The following GLIS3 variants were observed in gnomAD, a reference collection of about 807,000 sequenced individuals.
GLIS3 encodes the protein zinc finger protein GLIS3.
A neutral mutation model predicts 78.6 loss-of-function variants in GLIS3; 53 were observed. That is an observed-to-expected ratio of 0.67 (90% CI 0.54 to 0.85). The LOEUF is 0.85. Among genes scored for constraint, GLIS3 ranks in the 40% least tolerant of loss-of-function variants. The pLI, the probability that GLIS3 is intolerant of heterozygous loss-of-function variation, is 0.00. For synonymous variants in GLIS3, 684 were observed against 509.9 expected (o/e 1.34, Z -4.60); for missense variants, 1,703 against 1,231.1 (o/e 1.38, Z -5.74).
At chr9:4,356,572 C>T in the GLIS3 span, among the ~76,000 whole-genome samples, 59 of 152,270 alleles carry the variant, frequency 3.9e-4, no homozygotes, top group South Asian at 0.011. Flanking sequence ...CTATTTCTCA[C>T]GGTAGGGTCA....
At chr9:3,934,905 C>T (rs77612590) in intron 5 of GLIS3, among the ~76,000 whole-genome samples, 2,109 of 152,256 alleles carry the variant, frequency 0.014, 61 homozygotes, top group African/African-American at 0.048. Flanking sequence ...CTTTAACTAG[C>T]ATGCTACACT....
the GLIS3 span, among the ~76,000 whole-genome samples, chr9:4,390,752 C>G: frequency 0.07 from 10,650 of 152,174 alleles, 524 homozygotes; most frequent in South Asian, 0.12. Context: ...AGATACTCAT[C>G]CTATACAATG....
chr9:4,057,591 T>C (rs1302781899), intron 4 of GLIS3, among the ~76,000 whole-genome samples: 1 of 151,688 alleles, frequency 6.6e-6, no homozygotes, highest in Admixed American at 6.6e-5. Flanking sequence ...AAGCACAATG[T>C]AAAGTCACAT....
At chr9:3,969,505 C>T (rs1262955343) in intron 4 of GLIS3, among the ~76,000 whole-genome samples, 1 of 152,184 alleles carries the variant, frequency 6.6e-6, no homozygotes, top group African/African-American at 2.4e-5. Context: ...TTGATCAGAA[C>T]TGATACGAAG....
intron 8 of GLIS3, among the ~76,000 whole-genome samples, chr9:3,877,376 G>A (rs577672617): frequency 8.5e-5 from 13 of 152,320 alleles, no homozygotes; most frequent in African/African-American, 2.9e-4. Context: ...CTTGTGGGAG[G>A]AGGCTAATGA....
chr9:4,367,126 G>A, the GLIS3 span, among the ~76,000 whole-genome samples: 2 of 152,124 alleles, frequency 1.3e-5, no homozygotes, highest in Non-Finnish European at 2.9e-5. Flanking sequence ...CAAACTCAAA[G>A]CTCTCCAATG....
chr9:4,296,903 CAAAAAAAAAAAAAA>C (rs71324297), intron 1 of GLIS3, among the ~76,000 whole-genome samples: 1 of 114,172 alleles, frequency 8.8e-6, no homozygotes, highest in Non-Finnish European at 1.8e-5. Flanking sequence ...TTCTCAATTG[CAAAAAAAAAAAAAA>C]AAAAAAAAAA....
the GLIS3 span, among the ~76,000 whole-genome samples, chr9:4,472,073 GT>G: frequency 2.0e-5 from 3 of 152,330 alleles, no homozygotes; most frequent in South Asian, 6.2e-4. Flanking sequence ...TCTCACACCA[GT>G]TAGAATGGCA....
chr9:4,210,124 T>C (rs1820254910), intron 2 of GLIS3, among the ~76,000 whole-genome samples: 1 of 152,222 alleles, frequency 6.6e-6, no homozygotes, highest in South Asian at 2.1e-4. Context: ...AGATGCTTTC[T>C]TCAGAACAAT....
chr9:3,860,892 G>A lies in GLIS3; in HGVS notation c.2298-4708C>T, dbSNP rs562089753. 5.9e-5 allele frequency among the ~76,000 whole-genome samples: 9 copies of A among 152,294 alleles called. No homozygotes were observed. In the South Asian group the frequency reaches 1.5e-3, roughly 25 times the overall value. On this transcript the variant is annotated intron_variant, in intron 8 of 10. Transcript: ENST00000381971. ...AAAGACACATATCTCTGTCTTTGTGGAACGTATATTTTAGTAAGGGGAGAC... is the reference window on the plus strand; with the variant it reads ...AAAGACACATATCTCTGTCTTTGTGAAACGTATATTTTAGTAAGGGGAGAC...
chr9:4,279,058 T>A (rs1563886281), intron 2 of GLIS3, among the ~76,000 whole-genome samples: 1 of 152,004 alleles, frequency 6.6e-6, no homozygotes, highest in Non-Finnish European at 1.5e-5. Flanking sequence ...TCCCAGCACT[T>A]TGGGAGGCTG....
intron 4 of GLIS3, among the ~76,000 whole-genome samples, chr9:4,101,372 T>C (rs530561626): frequency 6.6e-6 from 1 of 152,316 alleles, no homozygotes; most frequent in South Asian, 2.1e-4. Flanking sequence ...GGGTCCAAAA[T>C]TAAATGTCCA....
At chr9:4,032,655 C>G (rs1823945345) in intron 4 of GLIS3, among the ~76,000 whole-genome samples, 1 of 152,076 alleles carries the variant, frequency 6.6e-6, no homozygotes, top group South Asian at 2.1e-4. Context: ...GAATAAAGCA[C>G]TTCACTCAAG....
chr9:4,202,204 A>G (rs1210552168), intron 2 of GLIS3, among the ~76,000 whole-genome samples: 1 of 142,594 alleles, frequency 7.0e-6, no homozygotes, highest in Non-Finnish European at 1.5e-5. Flanking sequence ...AAGCTGGAAG[A>G]CAGTGGCACA....
chr9:4,362,468 C>A, the GLIS3 span, among the ~76,000 whole-genome samples: 11 of 152,312 alleles, frequency 7.2e-5, no homozygotes, highest in African/African-American at 2.4e-4. Context: ...GATGACCACA[C>A]GCTTTCCATC....
chr9:4,133,766 C>T (rs1480395539), intron 2 of GLIS3, among the ~76,000 whole-genome samples: 3 of 151,320 alleles, frequency 2.0e-5, no homozygotes, highest in African/African-American at 4.9e-5. Context: ...TTGTTTCTAG[C>T]ACCTCTTCTC....
At chr9:4,269,628 G>A (rs1826326647) in intron 2 of GLIS3, among the ~76,000 whole-genome samples, 1 of 152,052 alleles carries the variant, frequency 6.6e-6, no homozygotes, top group Non-Finnish European at 1.5e-5. Flanking sequence ...TTGGGCTGGA[G>A]TATTTTCATA....
At chr9:3,876,820 G>T (rs913608099) in intron 8 of GLIS3, among the ~76,000 whole-genome samples, 3 of 150,466 alleles carry the variant, frequency 2.0e-5, no homozygotes, top group Non-Finnish European at 3.0e-5. Context: ...TCAAGAGGAG[G>T]AATAAAAAAT....
intron 2 of GLIS3, among the ~76,000 whole-genome samples, chr9:4,318,286 T>C (rs1010859962): frequency 6.6e-6 from 1 of 152,100 alleles, no homozygotes; most frequent in African/African-American, 2.4e-5. Context: ...AATGTATATC[T>C]CCCAGTTCTG....
Sources: gnomAD v4.1 joint callset for allele counts (sites outside exome capture counted in the v4.1 genomes callset) on GRCh38, gnomAD v4.1.1 for gene constraint, MANE v1.5 for transcripts, NCBI Gene and HGNC (gene_info 2026-07-23, HGNC 2026-07-21) for gene names.